Variants in ROBO1 observed in about 807,000 individuals in gnomAD.
ROBO1 encodes the protein roundabout guidance receptor 1, also known as roundabout homolog 1.
In ROBO1, 149 loss-of-function variants were observed where a neutral mutation model predicts 195.9. The ratio of observed to expected loss-of-function variants is 0.76; its 90% CI spans 0.67 to 0.87. The LOEUF is 0.87. Among genes scored for constraint, ROBO1 ranks in the 40% least tolerant of loss-of-function variants. ROBO1 has a pLI of 0.00. For synonymous variants in ROBO1, 816 were observed against 733.2 expected (o/e 1.11, Z -1.82); for missense variants, 1,933 against 2,068.3 (o/e 0.93, Z 1.27).
intron 2 of ROBO1, among the ~76,000 whole-genome samples, chr3:79,320,667 A>G (rs183848046): frequency 2.6e-5 from 4 of 152,160 alleles, no homozygotes; most frequent in African/African-American, 9.6e-5. Context: ...GAAGAACACA[A>G]TCATTCAGTC....
intron 2 of ROBO1, among the ~76,000 whole-genome samples, chr3:79,553,799 G>A (rs1250487589): frequency 3.9e-5 from 6 of 152,198 alleles, no homozygotes; most frequent in Middle Eastern, 3.4e-3. Flanking sequence ...ATTCAGTTCA[G>A]AAACCAAGAG....
rs1170445293 is a variant in ROBO1, at chr3:78,916,641, C to T, written c.499+21960G>A. On this transcript the variant is annotated intron_variant, in intron 4 of 30. Coordinates refer to ENST00000464233, the MANE Select transcript of ROBO1 (RefSeq NM_002941.4). ...GTAATCTTTTATCAATATTTCTTAC[C>T]TTATATCTAATCAAAACTGGAAGCT... Among the ~76,000 whole-genome samples the T allele has an allele frequency of 2.6e-5, 4 of 151,128 alleles. No individual in the cohort carries two copies. In the East Asian group the frequency reaches 5.8e-4, roughly 22 times the overall value.
Position 78,677,972 on chromosome 3 carries a change from G to A in ROBO1, c.1343-7671C>T, listed in dbSNP as rs1425195740. On this transcript the variant is annotated intron_variant, in intron 10 of 30. Transcript: ENST00000464233. ...AAAAGAACAGAAATTATAACAAACT[G>A]TCTCTCAGACCACAGTGCAATCAAA... is the stretch of plus-strand genomic sequence containing the variant. Among the ~76,000 whole-genome samples the A allele has an allele frequency of 4.0e-5, 6 of 151,750 alleles. No individual in the cohort carries two copies. In the South Asian group the frequency reaches 8.3e-4, roughly 21 times the overall value.
At chr3:79,453,623 AT>A (rs1295870321) in intron 2 of ROBO1, among the ~76,000 whole-genome samples, 12 of 152,110 alleles carry the variant, frequency 7.9e-5, no homozygotes, top group African/African-American at 2.4e-4. Flanking sequence ...GGAGTTGTTC[AT>A]AATTCTAACT....
intron 2 of ROBO1, among the ~76,000 whole-genome samples, chr3:79,583,369 G>A (rs566344063): frequency 6.6e-6 from 1 of 151,886 alleles, no homozygotes; most frequent in African/African-American, 2.4e-5. Flanking sequence ...TGTGTCTAAG[G>A]GTGGATATTT....
chr3:79,663,738 T>C (rs1175672601), intron 1 of ROBO1, among the ~76,000 whole-genome samples: 1 of 152,096 alleles, frequency 6.6e-6, no homozygotes, highest in East Asian at 1.9e-4. Context: ...TGCCTAGTTA[T>C]TGTCATTTTT....
At chr3:78,909,752 G>A (rs976022154) in intron 4 of ROBO1, among the ~76,000 whole-genome samples, 2 of 151,466 alleles carry the variant, frequency 1.3e-5, no homozygotes, top group Non-Finnish European at 3.0e-5. Flanking sequence ...GCAATTCCAA[G>A]AGAAAAATCT....
At chr3:78,914,729 A>C (rs1469982618) in intron 4 of ROBO1, among the ~76,000 whole-genome samples, 1 of 146,194 alleles carries the variant, frequency 6.8e-6, no homozygotes, top group East Asian at 2.0e-4. Context: ...ATAATTTTAT[A>C]TATTATACCA....
At chr3:79,275,290 G>A (rs2030932468) in intron 2 of ROBO1, among the ~76,000 whole-genome samples, 1 of 151,986 alleles carries the variant, frequency 6.6e-6, no homozygotes, top group South Asian at 2.1e-4. Flanking sequence ...TCATGACCAA[G>A]TGGGATTTGT....
At chr3:79,766,136 G>C (rs1165211567) in intron 1 of ROBO1, among the ~76,000 whole-genome samples, 5 of 151,856 alleles carry the variant, frequency 3.3e-5, no homozygotes, top group Non-Finnish European at 5.9e-5. Context: ...CCTGCGTCTG[G>C]AAATCTGCCC....
intron 1 of ROBO1, among the ~76,000 whole-genome samples, chr3:79,633,866 T>C (rs931300830): frequency 6.6e-6 from 1 of 152,110 alleles, no homozygotes; most frequent in African/African-American, 2.4e-5. Context: ...GCTGTGTCCA[T>C]CTCTGTGGTT....
At chr3:79,603,091 A>G (rs1451264325) in intron 1 of ROBO1, among the ~76,000 whole-genome samples, 8 of 151,942 alleles carry the variant, frequency 5.3e-5, no homozygotes, top group East Asian at 1.9e-4. Context: ...CTGGGTTGTC[A>G]TATGTAGTTT....
At chr3:78,915,933 G>A (rs115255249) in intron 4 of ROBO1, among the ~76,000 whole-genome samples, 4,611 of 152,218 alleles carry the variant, frequency 0.03, 94 homozygotes, top group African/African-American at 0.068. Flanking sequence ...GCAAGTGCGA[G>A]AGCCGCTGTG....
In ROBO1 at chr3:79,001,307, C is replaced by T. The variant is rs537383960; in HGVS notation, c.173-62380G>A. Reference sequence around the variant, plus strand: ...GTAAAATTAAATAAATAAATAAAACCATCAGATCTCATGAGAACTCACTCA... The same window carrying T: ...GTAAAATTAAATAAATAAATAAAACTATCAGATCTCATGAGAACTCACTCA... On this transcript the variant is annotated intron_variant, in intron 3 of 30. Coordinates refer to ENST00000464233, the MANE Select transcript of ROBO1 (RefSeq NM_002941.4). 9.2e-5 allele frequency among the ~76,000 whole-genome samples: 14 copies of T among 151,974 alleles called. No individual in the cohort carries two copies. The South Asian group carries it at 2.9e-3, about 32-fold the overall frequency.
chr3:79,319,019 C>T (rs1189225343), intron 2 of ROBO1, among the ~76,000 whole-genome samples: 3 of 152,170 alleles, frequency 2.0e-5, no homozygotes, highest in Non-Finnish European at 1.5e-5. Flanking sequence ...AGTTTTGTTA[C>T]ATAGCTAAAT....
intron 3 of ROBO1, among the ~76,000 whole-genome samples, chr3:79,024,697 T>C (rs1281980793): frequency 1.3e-5 from 2 of 152,202 alleles, no homozygotes; most frequent in African/African-American, 4.8e-5. Context: ...CTTGTCTCTT[T>C]AATAAACATT....
At chr3:79,427,123 A>G (rs780809726) in intron 2 of ROBO1, among the ~76,000 whole-genome samples, 8 of 152,088 alleles carry the variant, frequency 5.3e-5, no homozygotes, top group Non-Finnish European at 7.4e-5. Flanking sequence ...TTTCTTTCTA[A>G]TTATAAATTT....
At position 79,092,086 on chromosome 3, in the gene ROBO1, G is replaced by A. The variant is rs190586727; in HGVS notation, c.172+33370C>T. Among the ~76,000 whole-genome samples, 431 of 152,252 alleles carry A rather than the reference G, an allele frequency of 2.8e-3. 7 individuals carry two copies. Among genetic ancestry groups the A allele is most frequent in the Admixed American group, 0.024 (369 of 15,278 alleles). The stretch of plus-strand genomic sequence containing the variant: ...AAAAGTGAATTGCAATCACCTACAT[G>A]AGAGATGACAACGATGGCTTGAATC... On this transcript the variant is annotated intron_variant, in intron 3 of 30. Transcript: ENST00000464233.
At chr3:78,623,629 T>C (rs1704581788) in intron 26 of ROBO1, among the ~76,000 whole-genome samples, 3 of 152,158 alleles carry the variant, frequency 2.0e-5, no homozygotes, top group Non-Finnish European at 4.4e-5. Context: ...CTGCACAGTC[T>C]GCAGCAAGGA....
Sources: allele counts gnomAD v4.1 joint callset (sites outside exome capture counted in the v4.1 genomes callset), GRCh38; gene constraint gnomAD v4.1.1; transcripts MANE v1.5; gene names NCBI Gene and HGNC (gene_info 2026-07-23, HGNC 2026-07-21).